LRRC40: variants seen among roughly 807,000 people sequenced by gnomAD.
The protein encoded by LRRC40 is leucine-rich repeat-containing protein 40.
LRRC40 carries 76 observed loss-of-function variants against 72.8 expected under a neutral mutation model. The ratio of observed to expected loss-of-function variants is 1.04; its 90% CI spans 0.87 to 1.26. LRRC40 has a LOEUF of 1.26. Among genes scored for constraint, LRRC40 ranks in the 50% most tolerant of loss-of-function variants. The pLI, the probability that LRRC40 is intolerant of heterozygous loss-of-function variation, is 0.00. For synonymous variants in LRRC40, 243 were observed against 254.2 expected (o/e 0.96, Z 0.42); for missense variants, 684 against 698.9 (o/e 0.98, Z 0.24).
At chr1:70,197,308 G>A (rs1441524320) in intron 1 of LRRC40, among the ~76,000 whole-genome samples, 2 of 151,414 alleles carry the variant, frequency 1.3e-5, no homozygotes, top group Non-Finnish European at 2.9e-5. Context: ...TTTTTTTTGA[G>A]AGCCTGTCAC....
chr1:70,173,417 A>C, intron 9 of LRRC40, 48 bp downstream of exon 9: 1 of 1,340,654 alleles, frequency 7.5e-7, no homozygotes, highest in Non-Finnish European at 1.1e-6. Context: ...TTAATTCTTC[A>C]CCACTTTTTA....
intron 3 of LRRC40, among the ~76,000 whole-genome samples, chr1:70,185,902 TACTC>T (rs1419865988): frequency 1.3e-5 from 2 of 152,200 alleles, no homozygotes; most frequent in Non-Finnish European, 2.9e-5. Context: ...ACAACTTAAA[TACTC>T]ACTTACGAAT....
In LRRC40 at chr1:70,155,752, A is replaced by G. The variant is rs1319470928; in HGVS notation, c.1265T>C (p.Val422Ala). The G allele has an allele frequency of 6.3e-7, 1 of 1,580,328 alleles. No homozygotes were observed. The highest frequency in any genetic ancestry group is 1.3e-5 in the African/African-American group (1 of 74,316). ...AATAGAAGTGACGATGTTGCTTTTT[A>G]CTGCATCAAACACCTCATCAGGAAT... ...TLIPDEVFDA[V>A]KSNIVTSINF... The change falls in exon 11 of 15, where the codon GTA (valine) becomes GCA (alanine). Residue 422 changes from valine to alanine, a missense_variant. Physicochemically the swap from Val to Ala is moderately conservative, Grantham distance 64 (BLOSUM62 0). Transcript: ENST00000370952.
intron 2 of LRRC40, among the ~76,000 whole-genome samples, chr1:70,188,810 T>G (rs554851077): frequency 3.7e-4 from 56 of 152,276 alleles, no homozygotes; most frequent in Admixed American, 1.7e-3. Flanking sequence ...CAAACAAAAT[T>G]TTTAAATAGG....
intron 4 of LRRC40, among the ~76,000 whole-genome samples, chr1:70,183,227 G>A (rs1332545230): frequency 6.6e-6 from 1 of 152,124 alleles, no homozygotes; most frequent in Non-Finnish European, 1.5e-5. Context: ...TTCCTTTAAT[G>A]AAAAGCAAGC....
chr1:70,204,660 T>C (rs1173781401), intron 1 of LRRC40, among the ~76,000 whole-genome samples: 1 of 152,012 alleles, frequency 6.6e-6, no homozygotes, highest in Non-Finnish European at 1.5e-5. Context: ...AAAACCTAAA[T>C]ATAAATGAAG....
Position 70,195,370 on chromosome 1 carries a change from TA to T in LRRC40, c.152-6098del, listed in dbSNP as rs201701081. On this transcript the variant is annotated intron_variant, in intron 1 of 14. Coordinates refer to ENST00000370952, the MANE Select transcript of LRRC40 (RefSeq NM_017768.5). Reference sequence around the variant, plus strand: ...CGTTACCCAAGAATAAAAACCCATTTAAAAAAAAAAAAAGACAAAAGTTGGA... The same window carrying T: ...CGTTACCCAAGAATAAAAACCCATTTAAAAAAAAAAAAGACAAAAGTTGGA... Among the ~76,000 whole-genome samples the T allele has an allele frequency of 3.4e-3, 478 of 141,472 alleles. 3 individuals are homozygous for T. Among genetic ancestry groups the T allele is most frequent in the South Asian group, 0.019 (86 of 4,566 alleles). The allele number at this position is 141,472 out of a possible 152,430, so 92.8% of individuals were successfully genotyped here.
Position 70,145,846 on chromosome 1 carries a change from C to A in LRRC40, c.1763G>T (p.Gly588Val). The A allele has an allele frequency of 1.2e-6, 2 of 1,610,964 alleles. No homozygotes were observed. The highest frequency in any genetic ancestry group is 2.2e-5 in the South Asian group (2 of 90,868). The change falls in exon 15 of 15, where the codon GGA becomes GTA. Residue 588 changes from glycine (G) to valine (V), a missense_variant. Physicochemically the swap from Gly to Val is moderately radical, Grantham distance 109 (BLOSUM62 -3). Coordinates refer to ENST00000370952, the MANE Select transcript of LRRC40 (RefSeq NM_017768.5). ...RVPRAAILMK[G>V]TAAILEYLRD... ...CAAATATTCAAGTATAGCAGCTGTT[C>A]CTTTCATTAATATGGCTGCTCGAGG...
chr1:70,202,128 G>T (rs989121151), intron 1 of LRRC40, among the ~76,000 whole-genome samples: 1 of 152,172 alleles, frequency 6.6e-6, no homozygotes, highest in African/African-American at 2.4e-5. Context: ...CACATTAGTA[G>T]TCTGACAGTT....
intron 1 of LRRC40, among the ~76,000 whole-genome samples, chr1:70,196,682 G>C (rs929144306): frequency 6.6e-6 from 1 of 151,952 alleles, no homozygotes; most frequent in African/African-American, 2.4e-5. Context: ...AATTTTAAAA[G>C]AACTAAAATT....
chr1:70,179,828 T>C (rs1403765706), intron 5 of LRRC40, among the ~76,000 whole-genome samples: 3 of 152,180 alleles, frequency 2.0e-5, no homozygotes, highest in Admixed American at 6.5e-5. Flanking sequence ...ATCTTAACTA[T>C]TGGTATCCCA....
intron 10 of LRRC40, among the ~76,000 whole-genome samples, chr1:70,156,230 T>C (rs1001292334): frequency 2.0e-5 from 3 of 152,082 alleles, no homozygotes; most frequent in African/African-American, 4.8e-5. Flanking sequence ...TACAAGATAA[T>C]AACTTTTTTA....
chr1:70,185,006 T>C, intron 3 of LRRC40, 92 bp from the exon 4 acceptor site: 1 of 1,016,526 alleles, frequency 9.8e-7, no homozygotes, highest in Non-Finnish European at 1.4e-6. Flanking sequence ...GACACTGGAC[T>C]CATAAAAATC....
At chr1:70,145,992 A>C in intron 14 of LRRC40, 87 bp from the exon 15 acceptor site, 1 of 632,750 alleles carries the variant, frequency 1.6e-6, no homozygotes, top group East Asian at 3.0e-5. Flanking sequence ...TATAAATAAA[A>C]TTTCTGTATT....
At chr1:70,185,375 T>C (rs1408864789) in intron 3 of LRRC40, among the ~76,000 whole-genome samples, 1 of 152,206 alleles carries the variant, frequency 6.6e-6, no homozygotes, top group African/African-American at 2.4e-5. Context: ...TCCCCCATAC[T>C]GTTCTCGTGG....
chr1:70,200,268 C>A, intron 1 of LRRC40, among the ~76,000 whole-genome samples: 1 of 152,054 alleles, frequency 6.6e-6, no homozygotes, highest in East Asian at 1.9e-4. Flanking sequence ...GAGTTTGAGA[C>A]CAAGCTGGGC....
intron 1 of LRRC40, among the ~76,000 whole-genome samples, chr1:70,202,353 A>AT (rs1251420708): frequency 6.6e-6 from 1 of 152,038 alleles, no homozygotes; most frequent in Non-Finnish European, 1.5e-5. Flanking sequence ...TTACTCAGCA[A>AT]TAAAAAAAAA....
At chr1:70,200,991 G>A (rs1668726033) in intron 1 of LRRC40, among the ~76,000 whole-genome samples, 1 of 152,096 alleles carries the variant, frequency 6.6e-6, no homozygotes, top group Admixed American at 6.6e-5. Flanking sequence ...GGACAATACA[G>A]TGAGATCCAG....
chr1:70,185,060 A>G, intron 3 of LRRC40, 146 bp from the exon 4 acceptor site: 1 of 585,240 alleles, frequency 1.7e-6, no homozygotes, highest in Non-Finnish European at 2.8e-6. Flanking sequence ...ATTCATATCC[A>G]AAAATATGTA....
Sources: gnomAD v4.1 joint callset for allele counts (sites outside exome capture counted in the v4.1 genomes callset) on GRCh38, gnomAD v4.1.1 for gene constraint, MANE v1.5 for transcripts, NCBI Gene and HGNC (gene_info 2026-07-23, HGNC 2026-07-21) for gene names.